The following TMEM235 variants were observed in gnomAD, a reference collection of about 807,000 sequenced individuals.
TMEM235 encodes the protein transmembrane protein 235.
In TMEM235, 23 loss-of-function variants were observed where a neutral mutation model predicts 22.9. The observed-to-expected ratio is 1.00, with a 90% CI of 0.72 to 1.42. TMEM235 has a LOEUF of 1.42. TMEM235 is among the 40% of genes most tolerant of loss of function. The pLI is 0.00. For synonymous variants in TMEM235, 137 were observed against 140.5 expected, an observed-to-expected ratio of 0.98 and a Z score of 0.17; for missense variants, 308 against 299.5, an observed-to-expected ratio of 1.03 and a Z score of -0.21.
intron 2 of TMEM235, among the ~76,000 whole-genome samples, chr17:78,232,526 A>G (rs1015785379): frequency 5.3e-5 from 8 of 152,162 alleles, no homozygotes; most frequent in Non-Finnish European, 1.2e-4. Context: ...CCAAGTCACC[A>G]GGGGTTGTTT....
At chr17:78,234,866 G>T in intron 4 of TMEM235, 136 bp downstream of exon 3, 2 of 1,140,644 alleles carry the variant, frequency 1.8e-6, no homozygotes, top group Non-Finnish European at 2.4e-6. Flanking sequence ...CGATGGAGCC[G>T]TGGCAGGCAG....
intron 5 of TMEM235, 126 bp from the exon 5 acceptor site, chr17:78,239,654 C>T: frequency 1.4e-6 from 2 of 1,447,422 alleles, no homozygotes; most frequent in Non-Finnish European, 1.8e-6. Flanking sequence ...TGAGTCACTG[C>T]TGCCCCCATT....
At chr17:78,231,989 T>C (rs1283950481) in exon 2 of TMEM235, 1 of 1,107,338 alleles carries the variant, frequency 9.0e-7, no homozygotes, top group South Asian at 4.3e-5. Context: ...GGGGCCCTGC[T>C]ACCCCCGACC....
exon 5 of TMEM235, chr17:78,239,242 G>T (rs1482923542): frequency 8.4e-6 from 13 of 1,542,240 alleles, no homozygotes; most frequent in African/African-American, 1.4e-5. Flanking sequence ...CCCAATCTGT[G>T]GTCATCTGAG....
exon 2 of TMEM235, chr17:78,232,204 A>G: frequency 6.8e-7 from 1 of 1,479,778 alleles, no homozygotes; most frequent in Non-Finnish European, 8.9e-7. Flanking sequence ...GCTCTGGCGC[A>G]TCTGCGAAGG....
In TMEM235 at chr17:78,238,825, G is replaced by A. The variant is rs1476455265; in HGVS notation, c.410-199G>A. On this transcript the variant is annotated intron_variant, in intron 4 of 5. Transcript: ENST00000421688. This position sits in a 1 kb window ranked among gnomAD's most constrained non-coding sequence, Gnocchi z 4.3. ...TACCTTTAGCCCTGTCCAACCCCAAGCAGGAGGTGGTGTCTGGGAGAGGCG... is the reference window on the plus strand; with the variant it reads ...TACCTTTAGCCCTGTCCAACCCCAAACAGGAGGTGGTGTCTGGGAGAGGCG... Among the ~76,000 whole-genome samples the A allele has an allele frequency of 6.6e-6, 1 of 152,034 alleles. No individual in the cohort carries two copies. Among genetic ancestry groups the A allele is most frequent in the Non-Finnish European group, 1.5e-5 (1 of 68,000 alleles).
In TMEM235 at chr17:78,237,164, A is replaced by G. The variant is rs1599045394; in HGVS notation, c.410-1860A>G. Among the ~76,000 whole-genome samples the G allele has an allele frequency of 6.6e-6, 1 of 152,226 alleles. No homozygotes were observed. The highest frequency in any genetic ancestry group is 1.9e-4 in the East Asian group (1 of 5,172). Reference sequence around the variant, plus strand: ...CCCAGGCAGAGGGGGCCTCCATCCTAGTATGAGGGTCAGCTGTGGGCCGAA... The same window carrying G: ...CCCAGGCAGAGGGGGCCTCCATCCTGGTATGAGGGTCAGCTGTGGGCCGAA... On this transcript the variant is annotated intron_variant, in intron 4 of 5. Coordinates refer to ENST00000421688, the Ensembl canonical transcript of TMEM235. This position sits in a 1 kb window ranked among gnomAD's most constrained non-coding sequence, Gnocchi z 4.7.
At chr17:78,234,803 C>A in intron 4 of TMEM235, 73 bp downstream of exon 3, 1 of 1,519,922 alleles carries the variant, frequency 6.6e-7, no homozygotes, top group South Asian at 1.2e-5. Flanking sequence ...TGGGGTGCTG[C>A]CTCTCCTGTT....
chr17:78,231,722 C>T, exon 2 of TMEM235: 2 of 1,252,642 alleles, frequency 1.6e-6, no homozygotes, highest in African/African-American at 1.6e-5. Context: ...CCCAGGGACC[C>T]GGGGCCAGCC....
At chr17:78,231,437 C>G (rs556104112) in exon 2 of TMEM235, 2 of 1,298,350 alleles carry the variant, frequency 1.5e-6, no homozygotes, top group South Asian at 1.2e-5. Flanking sequence ...CGCAGCCCCC[C>G]GCCCGGCTGT....
chr17:78,232,159 C>A, exon 2 of TMEM235: 3 of 1,487,712 alleles, frequency 2.0e-6, no homozygotes, highest in Non-Finnish European at 2.7e-6. Flanking sequence ...CAGCGCCTGG[C>A]CCGGGCGCGC....
exon 5 of TMEM235, chr17:78,239,029 C>T (rs1450906255): frequency 6.5e-7 from 1 of 1,539,444 alleles, no homozygotes; most frequent in Non-Finnish European, 8.7e-7. Context: ...CCCAGGTGTC[C>T]TGACACTGGC....
exon 5 of TMEM235, chr17:78,239,233 C>T (rs963292537): frequency 6.5e-7 from 1 of 1,542,876 alleles, no homozygotes; most frequent in South Asian, 1.2e-5. Context: ...CCTGAGCCCC[C>T]CAATCTGTGG....
rs2076664870 is a variant in TMEM235, at chr17:78,238,171, A to G, written c.410-853A>G. On this transcript the variant is annotated intron_variant, in intron 4 of 5. Coordinates refer to ENST00000421688, the Ensembl canonical transcript of TMEM235. The surrounding 1 kb of genome is among the most constrained non-coding windows in gnomAD (Gnocchi z 4.3). The stretch of plus-strand genomic sequence containing the variant: ...ACTCCGGGCTGGTTCCTCCAAGCTC[A>G]GTGGACAGGAAAATGCCCTGGAGGC... 6.6e-6 allele frequency among the ~76,000 whole-genome samples: 1 copy of G among 152,220 alleles called. No individual in the cohort carries two copies. The highest frequency in any genetic ancestry group is 2.4e-5 in the African/African-American group (1 of 41,460).
At chr17:78,232,580 C>T (rs1485708510) in intron 2 of TMEM235, among the ~76,000 whole-genome samples, 2 of 152,224 alleles carry the variant, frequency 1.3e-5, no homozygotes, top group Non-Finnish European at 2.9e-5. Context: ...GCCCCTTGTC[C>T]CCGTCCCTGT....
chr17:78,232,115 G>C lies in TMEM235; in HGVS notation c.92G>C (p.Trp31Ser), dbSNP rs1327945934. 6.7e-7 allele frequency: 1 copy of C among 1,482,684 alleles called. No homozygotes were observed. The highest frequency in any genetic ancestry group is 2.9e-5 in the East Asian group (1 of 34,110). The allele number at this position is 1,482,684 out of a possible 1,614,324, so 91.8% of individuals were successfully genotyped here. Residue 31 changes from tryptophan (W) to serine (S), a missense_variant, in exon 2 of 6, where the codon TGG (tryptophan) becomes TCG (serine). By Grantham distance (177) the Trp-to-Ser change is radical. This residue lies in a region of TMEM235 where 285 missense variants were observed against 256.2 expected (regional missense o/e 1.11). Coordinates refer to ENST00000421688, the Ensembl canonical transcript of TMEM235. The stretch of plus-strand genomic sequence containing the variant: ...GCCGCCGCGGTCGCCAGCGACTACT[G>C]GTACATCCTGGAGGTGGCGGACGCC...
chr17:78,234,526 C>T, intron 3 of TMEM235, 67 bp from the exon 3 acceptor site: 2 of 1,528,084 alleles, frequency 1.3e-6, no homozygotes, highest in South Asian at 2.4e-5. Context: ...CGTCACTGTC[C>T]TCCGGCAGAC....
chr17:78,237,991 C>CAGTGCCCAGCTGGGCAG lies in TMEM235; in HGVS notation c.410-1033_410-1032insAGTGCCCAGCTGGGCAG, dbSNP rs1347418490. 5.5e-4 allele frequency among the ~76,000 whole-genome samples: 84 copies of CAGTGCCCAGCTGGGCAG among 152,306 alleles called. 1 individual carries two copies. Among genetic ancestry groups the CAGTGCCCAGCTGGGCAG allele is most frequent in the African/African-American group, 1.9e-3 (78 of 41,558 alleles). On this transcript the variant is annotated intron_variant, in intron 4 of 5. Coordinates refer to ENST00000421688, the Ensembl canonical transcript of TMEM235. The surrounding 1 kb of genome is among the most constrained non-coding windows in gnomAD (Gnocchi z 4.7). ...CTGAATGTCAGCTTGGGTCAGTTGC[C>CAGTGCCCAGCTGGGCAG]TTCTTTTGGCTGGGCAGTGCCCAGA...
intron 2 of TMEM235, among the ~76,000 whole-genome samples, chr17:78,233,681 G>A (rs2076609243): frequency 1.3e-5 from 2 of 149,376 alleles, no homozygotes; most frequent in African/African-American, 4.9e-5. Context: ...GGGTGACAGA[G>A]CGAGACTCCA....
Sources: gnomAD v4.1 joint callset for allele counts (sites outside exome capture counted in the v4.1 genomes callset) on GRCh38, gnomAD v4.1.1 for gene constraint, gnomAD v4.1.1 regional missense constraint, Gnocchi (gnomAD v3.1) non-coding constraint, MANE v1.5 for transcripts, NCBI Gene and HGNC (gene_info 2026-07-23, HGNC 2026-07-21) for gene names.